The following CELF2 variants were observed in gnomAD, a reference collection of about 807,000 sequenced individuals.
CELF2 encodes the protein CUG triplet repeat RNA-binding protein 2.
CELF2 carries 8 observed loss-of-function variants against 62.6 expected under a neutral mutation model. The observed-to-expected ratio is 0.13, with a 90% CI of 0.07 to 0.23. CELF2 has a LOEUF of 0.23. Ranked by LOEUF, CELF2 falls within the 10% of genes least tolerant of loss-of-function variation. CELF2 has a pLI of 1.00. For missense variants in CELF2, 333 were observed against 671.0 expected, an observed-to-expected ratio of 0.50 and a Z score of 5.56; for synonymous variants, 258 against 250.0, an observed-to-expected ratio of 1.03 and a Z score of -0.30.
At chr10:10,557,441 G>T in the CELF2 span, among the ~76,000 whole-genome samples, 1 of 142,156 alleles carries the variant, frequency 7.0e-6, no homozygotes, top group Non-Finnish European at 1.5e-5. Context: ...CTGTAGCCTT[G>T]CAGTAAAGTT....
At chr10:10,620,835 G>A in the CELF2 span, among the ~76,000 whole-genome samples, 198 of 146,708 alleles carry the variant, frequency 1.3e-3, no homozygotes, top group African/African-American at 4.4e-3. Context: ...GGAGAATGGC[G>A]TGAACCCGGG....
intron 1 of CELF2, among the ~76,000 whole-genome samples, chr10:11,068,162 ATGC>A (rs1287526791): frequency 6.6e-6 from 1 of 152,224 alleles, no homozygotes; most frequent in Non-Finnish European, 1.5e-5. Context: ...CTGATTCCAG[ATGC>A]TGAGGAAACA....
intron 2 of CELF2, among the ~76,000 whole-genome samples, chr10:10,976,877 C>T (rs929461915): frequency 1.2e-4 from 18 of 152,156 alleles, no homozygotes; most frequent in African/African-American, 3.6e-4. Flanking sequence ...TGTCATGTGT[C>T]GTGTCTCATC....
At chr10:10,682,465 G>T in the CELF2 span, among the ~76,000 whole-genome samples, 5 of 152,202 alleles carry the variant, frequency 3.3e-5, no homozygotes, top group African/African-American at 1.2e-4. Context: ...GGTCTACAGA[G>T]CTACACAAAG....
the CELF2 span, among the ~76,000 whole-genome samples, chr10:10,562,018 C>T: frequency 1.2e-4 from 19 of 152,300 alleles, no homozygotes; most frequent in East Asian, 3.7e-3. Context: ...AAGCTTTTAG[C>T]TTCAATTCCA....
At chr10:11,266,503 C>T in intron 5 of CELF2, 95 bp from the exon 6 acceptor site, 1 of 807,232 alleles carries the variant, frequency 1.2e-6, no homozygotes, top group Non-Finnish European at 2.1e-6. Context: ...CGTCTTGTGG[C>T]AGTTCTCGTA....
In CELF2 at chr10:11,024,668, C is replaced by T. The variant is rs547707236; in HGVS notation, c.74+6505C>T. Among the ~76,000 whole-genome samples the T allele has an allele frequency of 2.6e-5, 4 of 152,246 alleles. No individual in the cohort carries two copies. In the South Asian group the frequency reaches 8.3e-4, roughly 32 times the overall value. On this transcript the variant is annotated intron_variant, in intron 1 of 12. Coordinates refer to ENST00000633077, the MANE Select transcript of CELF2 (RefSeq NM_001326342.2). ...AAGAAGTCCCGGAAGTTTGTCTCCT[C>T]AGTGAGACTGTATGCAGTGCTCTCT...
At chr10:10,533,872 C>T in the CELF2 span, among the ~76,000 whole-genome samples, 1 of 152,110 alleles carries the variant, frequency 6.6e-6, no homozygotes, top group East Asian at 1.9e-4. Flanking sequence ...TTGGAAGTCA[C>T]TGGCGGATAA....
At chr10:11,188,419 A>G (rs2075532521) in intron 2 of CELF2, among the ~76,000 whole-genome samples, 2 of 152,018 alleles carry the variant, frequency 1.3e-5, no homozygotes, top group African/African-American at 4.8e-5. Flanking sequence ...GTATATTTTT[A>G]CTGGCTATAG....
At chr10:10,765,768 C>T in the CELF2 span, among the ~76,000 whole-genome samples, 9 of 152,300 alleles carry the variant, frequency 5.9e-5, no homozygotes, top group Admixed American at 1.3e-4. Flanking sequence ...ATCTGAAGGG[C>T]GGATCCAGAC....
chr10:10,542,188 A>G, the CELF2 span, among the ~76,000 whole-genome samples: 143 of 152,284 alleles, frequency 9.4e-4, no homozygotes, highest in African/African-American at 3.2e-3. Flanking sequence ...ACGTCACCTA[A>G]TTCTCACATA....
upstream of CELF2, among the ~76,000 whole-genome samples, chr10:10,798,180 A>C (rs2054275425): frequency 6.6e-6 from 1 of 152,190 alleles, no homozygotes. Flanking sequence ...TATTTTTAAA[A>C]AACAAATCCC....
Position 11,154,055 on chromosome 10 carries a change from G to T in CELF2, c.75-11431G>T, listed in dbSNP as rs115310354. 1.8e-3 allele frequency among the ~76,000 whole-genome samples: 278 copies of T among 152,304 alleles called. 1 individual carries two copies. Among genetic ancestry groups the T allele is most frequent in the African/African-American group, 6.4e-3 (266 of 41,556 alleles). On this transcript the variant is annotated intron_variant, in intron 1 of 12. Coordinates refer to ENST00000633077, the MANE Select transcript of CELF2 (RefSeq NM_001326342.2). Reference sequence around the variant, plus strand: ...AAACACATGATCATCTGTATTCATTGTGCCAGATGTAGTGTCAAAAAATGA... The same window carrying T: ...AAACACATGATCATCTGTATTCATTTTGCCAGATGTAGTGTCAAAAAATGA...
At chr10:10,873,486 A>G (rs2133444592) in intron 1 of CELF2, among the ~76,000 whole-genome samples, 1 of 152,312 alleles carries the variant, frequency 6.6e-6, no homozygotes, top group Non-Finnish European at 1.5e-5. Context: ...GAGCCTTCTG[A>G]GTCTCAAGCT....
intron 1 of CELF2, among the ~76,000 whole-genome samples, chr10:11,087,038 G>A (rs1208149820): frequency 1.3e-5 from 2 of 152,124 alleles, no homozygotes; most frequent in Admixed American, 6.5e-5. Context: ...GGCCACAGGA[G>A]GCTACAGAAT....
the CELF2 span, among the ~76,000 whole-genome samples, chr10:10,601,431 C>G: frequency 2.1e-3 from 320 of 152,250 alleles, 1 homozygote; most frequent in African/African-American, 7.4e-3. Flanking sequence ...ATCTAAAGAA[C>G]TTTTGATAAC....
chr10:10,587,544 A>T, the CELF2 span, among the ~76,000 whole-genome samples: 4 of 152,190 alleles, frequency 2.6e-5, no homozygotes, highest in African/African-American at 9.7e-5. Flanking sequence ...CATAGCAATA[A>T]ACATAAAAAT....
chr10:10,616,233 T>C, the CELF2 span, among the ~76,000 whole-genome samples: 1 of 151,914 alleles, frequency 6.6e-6, no homozygotes, highest in African/African-American at 2.4e-5. Flanking sequence ...CTACCACAAA[T>C]AACAATGATT....
Position 11,005,509 on chromosome 10 carries a change from T to C in CELF2, c.53+69T>C. Reference sequence around the variant, plus strand: ...TTCTAGAGCTGGCTGAGACAATAATTATGCTCTGAATCAAGTAGCTTCCTT... The same window carrying C: ...TTCTAGAGCTGGCTGAGACAATAATCATGCTCTGAATCAAGTAGCTTCCTT... On this transcript the variant is annotated intron_variant, in intron 1 of 12. Transcript: ENST00000416382. The surrounding 1 kb of genome is among the most constrained non-coding windows in gnomAD (Gnocchi z 4.3). 6.2e-7 allele frequency: 1 copy of C among 1,612,054 alleles called. No homozygotes were observed. The highest frequency in any genetic ancestry group is 1.3e-5 in the African/African-American group (1 of 74,972).
Sources: allele counts gnomAD v4.1 joint callset (sites outside exome capture counted in the v4.1 genomes callset), GRCh38; gene constraint gnomAD v4.1.1; non-coding constraint Gnocchi (gnomAD v3.1); transcripts MANE v1.5; gene names NCBI Gene and HGNC (gene_info 2026-07-23, HGNC 2026-07-21).